Variants in UBR3 observed in about 807,000 individuals in gnomAD.
The protein encoded by UBR3 is E3 ubiquitin-protein ligase UBR3.
UBR3 carries 85 observed loss-of-function variants against 243.2 expected under a neutral mutation model. The observed-to-expected ratio is 0.35, with a 90% CI of 0.29 to 0.42. UBR3 has a LOEUF of 0.42. Among genes scored for constraint, UBR3 ranks in the 10% least tolerant of loss-of-function variants. The pLI, the probability that UBR3 is intolerant of heterozygous loss-of-function variation, is 1.00. For synonymous variants in UBR3, 748 were observed against 799.8 expected, an observed-to-expected ratio of 0.94 and a Z score of 1.09; for missense variants, 1,686 against 2,300.8, an observed-to-expected ratio of 0.73 and a Z score of 5.47.
At chr2:170,057,241 C>T (rs2169440) in intron 33 of UBR3, among the ~76,000 whole-genome samples, 8,563 of 151,680 alleles carry the variant, frequency 0.056, 267 homozygotes, top group Middle Eastern at 0.075. Flanking sequence ...TCAGCCCTGA[C>T]GAGTAGTTGG....
chr2:169,902,487 T>G (rs2084863016), intron 8 of UBR3, among the ~76,000 whole-genome samples: 1 of 152,190 alleles, frequency 6.6e-6, no homozygotes, highest in South Asian at 2.1e-4. Flanking sequence ...ATTCTAACCT[T>G]TTCTTAGGTA....
chr2:169,962,057 T>C lies in UBR3; in HGVS notation c.3634+3531T>C, dbSNP rs543898152. ...AAAGACGTTGTGGCTTCTGTCTTTG[T>C]TACTTTTTCTCTCTCTTGGATTACT... On this transcript the variant is annotated intron_variant, in intron 24 of 38. Coordinates refer to ENST00000272793, the MANE Select transcript of UBR3 (RefSeq NM_172070.4). 3.3e-5 allele frequency among the ~76,000 whole-genome samples: 5 copies of C among 152,098 alleles called. No homozygotes were observed. In the South Asian group the frequency reaches 8.3e-4, roughly 25 times the overall value.
At chr2:170,067,073 G>A (rs539835838) in intron 35 of UBR3, among the ~76,000 whole-genome samples, 2 of 151,942 alleles carry the variant, frequency 1.3e-5, no homozygotes, top group Non-Finnish European at 2.9e-5. Context: ...GAAGTAACTT[G>A]CTCAAGATTC....
rs2085933460 is a variant in UBR3, at chr2:169,926,988, C to G, written c.2338+17C>G. On this transcript the variant is annotated intron_variant, in intron 16 of 38. Coordinates refer to ENST00000272793, the MANE Select transcript of UBR3 (RefSeq NM_172070.4). ...TACATTTAGGTAAAACTCACTGATA[C>G]TAATACTTATGCATTAACTGTTTTC... is the stretch of plus-strand genomic sequence containing the variant. 6.5e-7 allele frequency: 1 copy of G among 1,545,826 alleles called. No individual in the cohort carries two copies. The highest frequency in any genetic ancestry group is 8.7e-7 in the Non-Finnish European group (1 of 1,143,072).
intron 23 of UBR3, among the ~76,000 whole-genome samples, chr2:169,955,826 A>T (rs2087260526): frequency 7.5e-6 from 1 of 133,252 alleles, no homozygotes; most frequent in Non-Finnish European, 1.6e-5. Context: ...TTGCAGGCTT[A>T]TCCTGTACTT....
Position 170,001,346 on chromosome 2 carries a change from G to A in UBR3, c.3961G>A (p.Val1321Ile). 2 of 1,613,690 alleles carry A rather than the reference G, an allele frequency of 1.2e-6. No individual in the cohort carries two copies. Among genetic ancestry groups the A allele is most frequent in the Non-Finnish European group, 8.5e-7 (1 of 1,179,764 alleles). Residue 1321 changes from valine (V) to isoleucine (I), a missense_variant, in exon 27 of 39, where the codon GTT becomes ATT. Around this residue, in one of 8 missense-constraint regions of UBR3, gnomAD observed 156 missense variants for 246.3 expected, o/e 0.63. Transcript: ENST00000272793. ...LAVSIGWEGG[V>I]YVQTCGHTLH... ...AGTATCAATTGGCTGGGAAGGAGGT[G>A]TTTATGTACAAACCTGTGGTCACAC...
chr2:169,869,841 T>G (rs1251146859), intron 1 of UBR3, among the ~76,000 whole-genome samples: 1 of 152,266 alleles, frequency 6.6e-6, no homozygotes, highest in African/African-American at 2.4e-5. Context: ...ATGACCTTGC[T>G]TGATTTTTCT....
At chr2:169,946,532 G>A in intron 21 of UBR3, 140 bp downstream of exon 21, 1 of 396,674 alleles carries the variant, frequency 2.5e-6, no homozygotes, top group Non-Finnish European at 4.6e-6. Flanking sequence ...TCATCTTGAG[G>A]TGTATTTATG....
chr2:170,040,901 CA>C lies in UBR3; in HGVS notation c.4577del (p.Gln1526ArgfsTer11). Reference sequence around the variant, plus strand: ...TTTTAGGCTGGGATATGAAGAACAACAGCCTGAGGTTCCAATTCTTTATCAT... The same window carrying C: ...TTTTAGGCTGGGATATGAAGAACAACGCCTGAGGTTCCAATTCTTTATCAT... ...MNPQLGYEEQ[Q>X]PEVPILYHDV... On this transcript the variant is annotated frameshift_variant, in exon 32 of 39. Transcript: ENST00000272793. LOFTEE classifies it high-confidence loss of function. The C allele has an allele frequency of 6.2e-7, 1 of 1,613,282 alleles. No homozygotes were observed. Among genetic ancestry groups the C allele is most frequent in the Non-Finnish European group, 8.5e-7 (1 of 1,179,642 alleles).
chr2:169,958,697 T>C (rs980393967), intron 24 of UBR3, among the ~76,000 whole-genome samples, 171 bp downstream of exon 24: 4 of 152,024 alleles, frequency 2.6e-5, no homozygotes, highest in Non-Finnish European at 4.4e-5. Flanking sequence ...TAGACTTTTA[T>C]TATATTCTGT....
chr2:169,969,834 C>G (rs1034051457), intron 24 of UBR3, among the ~76,000 whole-genome samples: 1 of 133,136 alleles, frequency 7.5e-6, no homozygotes, highest in African/African-American at 2.7e-5. Flanking sequence ...CAGGCATGAG[C>G]CACCACGCCC....
At chr2:169,981,047 G>A (rs1049954603) in intron 24 of UBR3, among the ~76,000 whole-genome samples, 2 of 152,008 alleles carry the variant, frequency 1.3e-5, no homozygotes, top group Admixed American at 1.3e-4. Context: ...GAGCAACAAA[G>A]TAAAGTATAA....
At chr2:169,914,847 CTTGT>C (rs758812420) in intron 11 of UBR3, among the ~76,000 whole-genome samples, 1,061 of 53,912 alleles carry the variant, frequency 0.02, 11 homozygotes, top group African/African-American at 0.052. Context: ...AATTTTATCT[CTTGT>C]GTGTGTGTGT....
rs1433751796 is a variant in UBR3, at chr2:169,827,736, G to T, written c.229G>T (p.Ala77Ser). 4 of 1,238,562 alleles carry T rather than the reference G, an allele frequency of 3.2e-6. No homozygotes were observed. The highest frequency in any genetic ancestry group is 8.5e-5 in the Admixed American group (2 of 23,600). The allele number at this position is 1,238,562 out of a possible 1,614,324, so 76.7% of individuals were successfully genotyped here. The part of the protein sequence containing the change: ...AAAGGEDAAA[A>S]GGGGGPGAAE... ...TGCCGGCGGCGAGGACGCGGCGGCG[G>T]CCGGAGGCGGGGGCGGTCCGGGGGC... The change falls in exon 1 of 39, where the codon GCC (alanine) becomes TCC (serine). Residue 77 changes from alanine (A) to serine (S), a missense_variant. Physicochemically the swap from Ala to Ser is moderately conservative, Grantham distance 99. Transcript: ENST00000272793.
chr2:169,907,747 C>G (rs556897770), intron 10 of UBR3, among the ~76,000 whole-genome samples: 1 of 151,822 alleles, frequency 6.6e-6, no homozygotes, highest in African/African-American at 2.4e-5. Context: ...ACTTGTCTCT[C>G]ATAATTCGTT....
intron 1 of UBR3, among the ~76,000 whole-genome samples, chr2:169,869,921 T>C (rs1393179732): frequency 6.6e-6 from 1 of 152,122 alleles, no homozygotes; most frequent in Non-Finnish European, 1.5e-5. Flanking sequence ...TTTTATCTCA[T>C]TTATAAATTG....
chr2:169,864,407 A>C (rs2083185403), intron 1 of UBR3, among the ~76,000 whole-genome samples: 1 of 152,186 alleles, frequency 6.6e-6, no homozygotes, highest in African/African-American at 2.4e-5. Context: ...CTCTTCAAAA[A>C]AAATTTGAAC....
chr2:169,899,995 C>T (rs2084753724), intron 8 of UBR3, among the ~76,000 whole-genome samples: 1 of 152,080 alleles, frequency 6.6e-6, no homozygotes, highest in African/African-American at 2.4e-5. Context: ...GATTTATAAC[C>T]CTTTGGGTAT....
intron 25 of UBR3, among the ~76,000 whole-genome samples, chr2:169,987,041 T>C (rs1329152635): frequency 6.6e-6 from 1 of 152,112 alleles, no homozygotes; most frequent in Admixed American, 6.6e-5. Context: ...TAAAGTGTGA[T>C]GGTATATTAC....
Sources: gnomAD v4.1 joint callset for allele counts (sites outside exome capture counted in the v4.1 genomes callset) on GRCh38, gnomAD v4.1.1 for gene constraint, gnomAD v4.1.1 regional missense constraint, MANE v1.5 for transcripts, NCBI Gene and HGNC (gene_info 2026-07-23, HGNC 2026-07-21) for gene names.